Variants in SYT3 observed in about 807,000 individuals in gnomAD.
SYT3 encodes the protein synaptotagmin-3.
A neutral mutation model predicts 50.6 loss-of-function variants in SYT3; 25 were observed. The ratio of observed to expected loss-of-function variants is 0.49; its 90% CI spans 0.36 to 0.69. The LOEUF (loss-of-function observed/expected upper bound fraction) is 0.69. Ranked by LOEUF, SYT3 falls within the 30% of genes least tolerant of loss-of-function variation. SYT3 has a pLI of 0.00. For missense variants in SYT3, 589 were observed against 793.6 expected (o/e 0.74, Z 3.10); for synonymous variants, 323 against 353.9 (o/e 0.91, Z 0.98).
chr19:50,629,142 T>A, intron 6 of SYT3, 152 bp downstream of exon 6: 1 of 671,148 alleles, frequency 1.5e-6, no homozygotes, highest in Non-Finnish European at 2.4e-6. Context: ...TTCTTGCCTG[T>A]AAGTTTGCAG....
the SYT3 span, among the ~76,000 whole-genome samples, chr19:50,646,198 C>T: frequency 1.3e-5 from 2 of 152,122 alleles, no homozygotes; most frequent in African/African-American, 4.8e-5. Context: ...CTGTACCTTG[C>T]TTCACTTAAG....
the SYT3 span, chr19:50,657,900 G>T: frequency 7.0e-7 from 1 of 1,427,570 alleles, no homozygotes; most frequent in East Asian, 2.5e-5. Context: ...TCTGTGGCAG[G>T]TTCTGCAGGT....
chr19:50,635,378 A>G lies in SYT3; in HGVS notation c.148+1886T>C, dbSNP rs115388928. Among the ~76,000 whole-genome samples the G allele has an allele frequency of 6.2e-3, 946 of 152,292 alleles. 9 individuals carry two copies. Among genetic ancestry groups the G allele is most frequent in the African/African-American group, 0.022 (903 of 41,560 alleles). On this transcript the variant is annotated intron_variant, in intron 3 of 10. Transcript: ENST00000600079. The stretch of plus-strand genomic sequence containing the variant: ...TTCCCCTACCGCCAGCCTGATTCAG[A>G]CCCTGTCCAACTCAAAACATGAATC...
chr19:50,632,307 G>C lies in SYT3; in HGVS notation c.653C>G (p.Thr218Arg). 1 of 1,582,644 alleles carries C rather than the reference G, an allele frequency of 6.3e-7. No homozygotes were observed. Among genetic ancestry groups the C allele is most frequent in the Non-Finnish European group, 8.6e-7 (1 of 1,157,898 alleles). Residue 218 changes from threonine to arginine, a missense_variant, in exon 4 of 11, where the codon ACA (threonine) becomes AGA (arginine). Physicochemically the swap from Thr to Arg is moderately conservative, Grantham distance 71. Around this residue, in one of 2 missense-constraint regions of SYT3, gnomAD observed 316 missense variants for 354.3 expected, o/e 0.89. Transcript: ENST00000600079. This position sits in a 1 kb window ranked among gnomAD's most constrained non-coding sequence, Gnocchi z 4.7. Reference sequence around the variant, plus strand: ...TCACCTGGTAGTGGGTGCCAGGCTTGTGACCTGCTGATGTGACTGGGCACT... The same window carrying C: ...TCACCTGGTAGTGGGTGCCAGGCTTCTGACCTGCTGATGTGACTGGGCACT... ...LPSAQSHQQV[T>R]SLAPTTRYPA...
At chr19:50,656,229 G>A in the SYT3 span, 1 of 1,536,142 alleles carries the variant, frequency 6.5e-7, no homozygotes, top group Non-Finnish European at 8.7e-7. Context: ...TCCCTAGAAA[G>A]CAGTACCTGC....
upstream of SYT3, among the ~76,000 whole-genome samples, chr19:50,641,496 G>A (rs1354446351): frequency 6.6e-6 from 1 of 151,740 alleles, no homozygotes; most frequent in Non-Finnish European, 1.5e-5. Flanking sequence ...GCTGCAGTGA[G>A]CTATGATTGC....
the SYT3 span, chr19:50,649,911 C>A: frequency 2.2e-6 from 1 of 449,184 alleles, no homozygotes; most frequent in South Asian, 1.6e-5. Flanking sequence ...GTCACTGGTG[C>A]CATCCTTCCA....
the SYT3 span, among the ~76,000 whole-genome samples, chr19:50,646,807 G>A: frequency 1.4e-5 from 2 of 148,104 alleles, no homozygotes; most frequent in East Asian, 3.9e-4. Context: ...ATGTGTGGGA[G>A]GGATTATTTA....
chr19:50,644,944 G>C, the SYT3 span, among the ~76,000 whole-genome samples: 1 of 152,148 alleles, frequency 6.6e-6, no homozygotes, highest in Non-Finnish European at 1.5e-5. Context: ...TAGATGAAGG[G>C]ATGGATGGAT....
the SYT3 span, among the ~76,000 whole-genome samples, chr19:50,647,668 A>AAAAC: frequency 6.6e-6 from 1 of 152,232 alleles, no homozygotes; most frequent in Non-Finnish European, 1.5e-5. Context: ...CCCTGTCTCA[A>AAAAC]AAACAAACAA....
At chr19:50,656,378 A>G in the SYT3 span, 3 of 1,516,042 alleles carry the variant, frequency 2.0e-6, no homozygotes. Context: ...TTTTCTGCAC[A>G]GTTTTGGTGG....
At chr19:50,643,986 C>T (rs1984721090), upstream of SYT3, among the ~76,000 whole-genome samples, 1 of 152,124 alleles carries the variant, frequency 6.6e-6, no homozygotes, top group Admixed American at 6.6e-5. Context: ...AGGGGAAATG[C>T]TCCAGGGAGA....
chr19:50,631,555 T>C (rs574931302), intron 4 of SYT3, among the ~76,000 whole-genome samples: 1 of 152,266 alleles, frequency 6.6e-6, no homozygotes, highest in South Asian at 2.1e-4. Flanking sequence ...GTCCTCACAA[T>C]GCACTAGGAT....
Position 50,625,150 on chromosome 19 carries a change from A to G in SYT3, c.1707+12T>C. The stretch of plus-strand genomic sequence containing the variant: ...GGTGCTTGTCAGGGGTCGGTGTGGG[A>G]CCCCTACTCACCTCCACTAGCTGAT... On this transcript the variant is annotated intron_variant, in intron 9 of 10. Coordinates refer to ENST00000600079, the MANE Select transcript of SYT3 (RefSeq NM_001160329.2). The surrounding 1 kb of genome is among the most constrained non-coding windows in gnomAD (Gnocchi z 7.5). 1 of 1,568,444 alleles carries G rather than the reference A, an allele frequency of 6.4e-7. No homozygotes were observed. Among genetic ancestry groups the G allele is most frequent in the South Asian group, 1.1e-5 (1 of 88,210 alleles).
At chr19:50,653,388 GCA>G in the SYT3 span, among the ~76,000 whole-genome samples, 6 of 152,084 alleles carry the variant, frequency 3.9e-5, no homozygotes, top group Admixed American at 3.9e-4. Flanking sequence ...GGGACAGTAA[GCA>G]CATAGTTATA....
chr19:50,630,174 G>A lies in SYT3; in HGVS notation c.675-3C>T, dbSNP rs780917606. The A allele has an allele frequency of 5.3e-6, 8 of 1,517,722 alleles. No individual in the cohort carries two copies. The East Asian group carries it at 1.4e-4, about 26-fold the overall frequency. The allele number at this position is 1,517,722 out of a possible 1,614,324, so 94.0% of individuals were successfully genotyped here. On this transcript the variant is annotated splice_region_variant and splice_polypyrimidine_tract_variant and intron_variant, in intron 4 of 10. Coordinates refer to ENST00000600079, the MANE Select transcript of SYT3 (RefSeq NM_001160329.2). Reference sequence around the variant, plus strand: ...GGGGTCGGGGCAGGGCTGGGTACCTGTAGGGGGTTGGGGGGAGACCAAGGT... The same window carrying A: ...GGGGTCGGGGCAGGGCTGGGTACCTATAGGGGGTTGGGGGGAGACCAAGGT...
chr19:50,644,296 A>G (rs946839019), upstream of SYT3, among the ~76,000 whole-genome samples: 1 of 152,020 alleles, frequency 6.6e-6, no homozygotes, highest in Non-Finnish European at 1.5e-5. Context: ...GGATGAGTGA[A>G]TGGCTGGATG....
the SYT3 span, among the ~76,000 whole-genome samples, chr19:50,648,842 G>A: frequency 2.6e-3 from 392 of 152,246 alleles, 2 homozygotes; most frequent in Non-Finnish European, 3.4e-3. Context: ...GGAACAGAAA[G>A]GGGATGACAG....
In SYT3 at chr19:50,625,017, G is replaced by C. The variant is rs376357909; in HGVS notation, c.1707+145C>G. The C allele has an allele frequency of 1.2e-6, 1 of 869,500 alleles. No individual in the cohort carries two copies. Among genetic ancestry groups the C allele is most frequent in the Non-Finnish European group, 1.6e-6 (1 of 634,620 alleles). 53.9% of individuals were successfully genotyped at this position (869,500 alleles called of 1,614,324 possible). ...GCGCTTGGGTAACTGGCTCTAAGCC[G>C]CACAGCTAAAGTTGGCACAGCAGGG... On this transcript the variant is annotated intron_variant, in intron 9 of 10. Coordinates refer to ENST00000600079, the MANE Select transcript of SYT3 (RefSeq NM_001160329.2). This position sits in a 1 kb window ranked among gnomAD's most constrained non-coding sequence, Gnocchi z 7.5.
Sources: gnomAD v4.1 joint callset for allele counts (sites outside exome capture counted in the v4.1 genomes callset) on GRCh38, gnomAD v4.1.1 for gene constraint, gnomAD v4.1.1 regional missense constraint, Gnocchi (gnomAD v3.1) non-coding constraint, MANE v1.5 for transcripts, NCBI Gene and HGNC (gene_info 2026-07-23, HGNC 2026-07-21) for gene names.